TBC1D4: variants seen among roughly 807,000 people sequenced by gnomAD.
The protein encoded by TBC1D4 is TBC1 domain family member 4.
In TBC1D4, 121 loss-of-function variants were observed where a neutral mutation model predicts 142.5. The observed-to-expected ratio is 0.85, with a 90% confidence interval of 0.73 to 0.99. The LOEUF (loss-of-function observed/expected upper bound fraction) is 0.99, where lower values mean the gene tolerates loss of function less well. Ranked by LOEUF, TBC1D4 falls within the 50% of genes least tolerant of loss-of-function variation. The pLI is 0.00. For synonymous variants in TBC1D4, 630 were observed against 628.2 expected (o/e 1.00, Z -0.04); for missense variants, 1,475 against 1,606.6 (o/e 0.92, Z 1.40).
intron 1 of TBC1D4, among the ~76,000 whole-genome samples, chr13:75,395,698 C>T (rs1032524452): frequency 5.9e-5 from 9 of 152,058 alleles, no homozygotes; most frequent in African/African-American, 1.9e-4. Flanking sequence ...GGTGTGGTGG[C>T]GCACACCTGT....
chr13:75,394,139 C>CT (rs1325087565), intron 1 of TBC1D4, among the ~76,000 whole-genome samples: 1 of 152,080 alleles, frequency 6.6e-6, no homozygotes, highest in Admixed American at 6.5e-5. Context: ...TTTTCAACTA[C>CT]TGTTGATTCT....
At chr13:75,460,359 G>A (rs956314853) in intron 1 of TBC1D4, among the ~76,000 whole-genome samples, 1 of 152,146 alleles carries the variant, frequency 6.6e-6, no homozygotes, top group Non-Finnish European at 1.5e-5. Flanking sequence ...GGAGGATGGG[G>A]ATTGATATCA....
At chr13:75,336,080 G>A (rs1360282172) in intron 8 of TBC1D4, among the ~76,000 whole-genome samples, 2 of 151,940 alleles carry the variant, frequency 1.3e-5, no homozygotes, top group African/African-American at 2.4e-5. Flanking sequence ...AATAAATCTC[G>A]ATCTGAGAAG....
intron 18 of TBC1D4, among the ~76,000 whole-genome samples, chr13:75,294,618 C>A (rs1875696770): frequency 1.3e-5 from 2 of 152,182 alleles, no homozygotes; most frequent in Non-Finnish European, 2.9e-5. Flanking sequence ...TCCATTACAG[C>A]TGACTCAAAT....
At chr13:75,461,660 C>A (rs1053600646) in intron 1 of TBC1D4, among the ~76,000 whole-genome samples, 44 of 152,306 alleles carry the variant, frequency 2.9e-4, no homozygotes, top group Non-Finnish European at 6.2e-4. Context: ...ATTTCCTAAT[C>A]ATTGAGTTCT....
At chr13:75,349,064 C>A in intron 5 of TBC1D4, 106 bp downstream of exon 5, 2 of 1,524,068 alleles carry the variant, frequency 1.3e-6, no homozygotes, top group African/African-American at 1.4e-5. Context: ...TCTTTGGGTT[C>A]TTGTTTCACA....
At chr13:75,346,565 G>T (rs1437107986) in intron 5 of TBC1D4, among the ~76,000 whole-genome samples, 1 of 152,138 alleles carries the variant, frequency 6.6e-6, no homozygotes, top group African/African-American at 2.4e-5. Context: ...CATTTGGGTT[G>T]GTTCCAAGTC....
intron 1 of TBC1D4, among the ~76,000 whole-genome samples, chr13:75,413,373 G>T (rs1452141126): frequency 6.6e-6 from 1 of 152,096 alleles, no homozygotes; most frequent in African/African-American, 2.4e-5. Context: ...TGTTGGCCAG[G>T]GTGGTCTCGA....
intron 1 of TBC1D4, among the ~76,000 whole-genome samples, chr13:75,430,712 T>C (rs901682109): frequency 2.6e-5 from 4 of 152,220 alleles, no homozygotes; most frequent in African/African-American, 9.6e-5. Flanking sequence ...CATTCTTTTA[T>C]TTCCCCATCG....
chr13:75,457,660 A>G (rs938133091), intron 1 of TBC1D4, among the ~76,000 whole-genome samples: 2 of 152,238 alleles, frequency 1.3e-5, no homozygotes, highest in Non-Finnish European at 2.9e-5. Flanking sequence ...CACTTGACAC[A>G]GGCAATATTT....
intron 17 of TBC1D4, among the ~76,000 whole-genome samples, chr13:75,298,596 C>CA (rs1227518766): frequency 6.6e-6 from 1 of 152,004 alleles, no homozygotes; most frequent in Admixed American, 6.5e-5. Flanking sequence ...ACTAGAAATA[C>CA]AAAAAAATTA....
chr13:75,452,904 A>T (rs904398782), intron 1 of TBC1D4, among the ~76,000 whole-genome samples: 11 of 152,148 alleles, frequency 7.2e-5, no homozygotes, highest in African/African-American at 2.4e-4. Context: ...AGGAAGCCTG[A>T]GGCGGCCGTC....
intron 14 of TBC1D4, among the ~76,000 whole-genome samples, chr13:75,309,408 A>C (rs964494238): frequency 2.0e-5 from 3 of 152,180 alleles, no homozygotes; most frequent in Admixed American, 6.5e-5. Flanking sequence ...ATAAAGCATT[A>C]ACAAAAAATA....
chr13:75,311,618 G>A (rs191187618), intron 13 of TBC1D4, among the ~76,000 whole-genome samples: 2 of 151,898 alleles, frequency 1.3e-5, no homozygotes, highest in African/African-American at 2.4e-5. Flanking sequence ...CCCTAGATCC[G>A]TTTCAATAGG....
rs967705257 is a variant in TBC1D4 at position 75,343,705 on chromosome 13, G to A, written c.1409-2118C>T. Among the ~76,000 whole-genome samples the A allele has an allele frequency of 4.4e-4, 67 of 152,150 alleles. 1 individual carries two copies. Among genetic ancestry groups the A allele is most frequent in the African/African-American group, 1.5e-3 (61 of 41,496 alleles). On this transcript the variant is annotated intron_variant, in intron 5 of 20. Coordinates refer to ENST00000377636, the MANE Select transcript of TBC1D4 (RefSeq NM_014832.5). ...CTACTTTTGTATTTTTAGTAAAGAC[G>A]GTGTTTCTCCACGTTGGTCAGGCTG...
At chr13:75,377,907 T>C (rs1883613777) in intron 1 of TBC1D4, among the ~76,000 whole-genome samples, 1 of 151,988 alleles carries the variant, frequency 6.6e-6, no homozygotes, top group South Asian at 2.1e-4. Context: ...TATATATTAA[T>C]GGCATGCAAA....
chr13:75,303,742 A>G (rs1876843609), intron 15 of TBC1D4, among the ~76,000 whole-genome samples: 2 of 152,178 alleles, frequency 1.3e-5, no homozygotes, highest in Admixed American at 1.3e-4. Flanking sequence ...ATGACTTATG[A>G]GGCCTCTACA....
At position 75,292,134 on chromosome 13, in the gene TBC1D4, T is replaced by A. The variant is rs1335670534; in HGVS notation, c.3454A>T (p.Asn1152Tyr). ...EFLKNTLPDM[N>Y]TSEMEKIITQ... ...ATAATTTTTTCCATTTCAGAGGTATTCATATCAGGTAGCGTGTTTTTAAGA... is the reference window on the plus strand; with the variant it reads ...ATAATTTTTTCCATTTCAGAGGTATACATATCAGGTAGCGTGTTTTTAAGA... Residue 1152 changes from asparagine (N) to tyrosine (Y), a missense_variant, in exon 19 of 21, where the codon AAT becomes TAT. Around this residue, in one of 2 missense-constraint regions of TBC1D4, gnomAD observed 248 missense variants for 338.9 expected, o/e 0.73. Coordinates refer to ENST00000377636, the MANE Select transcript of TBC1D4 (RefSeq NM_014832.5). 1.9e-6 allele frequency: 3 copies of A among 1,612,598 alleles called. No homozygotes were observed. The East Asian group carries it at 6.7e-5, about 36-fold the overall frequency.
At chr13:75,317,190 G>A (rs1878390468) in intron 12 of TBC1D4, among the ~76,000 whole-genome samples, 1 of 152,210 alleles carries the variant, frequency 6.6e-6, no homozygotes, top group Non-Finnish European at 1.5e-5. Context: ...GATCCTGCCA[G>A]TGTAAATACT....
Sources: allele counts gnomAD v4.1 joint callset (sites outside exome capture counted in the v4.1 genomes callset), GRCh38; gene constraint gnomAD v4.1.1; regional missense constraint gnomAD v4.1.1; transcripts MANE v1.5; gene names NCBI Gene and HGNC (gene_info 2026-07-23, HGNC 2026-07-21).